ZNF518A: variants seen among roughly 807,000 people sequenced by gnomAD.
ZNF518A encodes zinc finger protein 518A, also known as zinc finger protein 518.
In ZNF518A, 47 loss-of-function variants were observed where a neutral mutation model predicts 102.7. The ratio of observed to expected loss-of-function variants is 0.46; its 90% confidence interval spans 0.36 to 0.58. The LOEUF (loss-of-function observed/expected upper bound fraction) is 0.58. Ranked by LOEUF, ZNF518A falls within the 20% of genes least tolerant of loss-of-function variation. The probability of loss-of-function intolerance (pLI) is 0.00; values close to 1 mark genes in which losing one functional copy is unlikely to be tolerated. For missense variants in ZNF518A, 1,793 were observed against 1,699.8 expected (o/e 1.05, Z -0.96); for synonymous variants, 652 against 594.6 (o/e 1.10, Z -1.40).
chr10:96,186,429 C>T (rs782110665), intron 1 of ZNF518A, among the ~76,000 whole-genome samples: 6 of 151,986 alleles, frequency 3.9e-5, no homozygotes, highest in Non-Finnish European at 7.4e-5. Context: ...GACGGAGTCT[C>T]TCTCTGTCAT....
chr10:96,139,642 C>T (rs1207130766), intron 3 of ZNF518A, among the ~76,000 whole-genome samples: 1 of 152,170 alleles, frequency 6.6e-6, no homozygotes, highest in Non-Finnish European at 1.5e-5. Flanking sequence ...CACCAAGGAG[C>T]TTTAAGCAGG....
chr10:96,197,903 G>A (rs1404047829), intron 1 of ZNF518A, among the ~76,000 whole-genome samples: 17 of 128,232 alleles, frequency 1.3e-4, no homozygotes, highest in Admixed American at 2.5e-4. Flanking sequence ...GTGACAGAGC[G>A]AGACAACATC....
chr10:96,199,552 C>T (rs1554895557), intron 1 of ZNF518A: 3 of 458,316 alleles, frequency 6.5e-6, no homozygotes, highest in Admixed American at 4.7e-5. Flanking sequence ...GATGAAAGGA[C>T]AAGTAGAAAT....
chr10:96,179,687 A>G (rs1447476062), intron 1 of ZNF518A, among the ~76,000 whole-genome samples: 2 of 152,204 alleles, frequency 1.3e-5, no homozygotes, highest in Non-Finnish European at 2.9e-5. Flanking sequence ...ATACTGACAG[A>G]CATACAGCAG....
chr10:96,200,253 C>A lies in ZNF518A; in HGVS notation n.36-3321C>A. 1.1e-6 allele frequency: 1 copy of A among 880,170 alleles called. No individual in the cohort carries two copies. Among genetic ancestry groups the A allele is most frequent in the Non-Finnish European group, 1.9e-6 (1 of 539,436 alleles). 54.5% of individuals were successfully genotyped at this position (880,170 alleles called of 1,614,324 possible). A position where few individuals can be genotyped will look rare whatever the true frequency, so the allele number is the denominator to read the frequency against. ...CAAAGACCCATTTGCATTATCAAGA[C>A]AGGCCTCTACATTTACACCAATAAT... On this transcript the variant is annotated intron_variant and non_coding_transcript_variant, in intron 1 of 2. Coordinates refer to the ZNF518A transcript ENST00000442635. The surrounding 1 kb of genome is among the most constrained non-coding windows in gnomAD (Gnocchi z 4.3).
At chr10:96,136,339 A>G (rs1422490478) in intron 3 of ZNF518A, among the ~76,000 whole-genome samples, 2 of 150,938 alleles carry the variant, frequency 1.3e-5, no homozygotes, top group Non-Finnish European at 3.0e-5. Flanking sequence ...CCGATTTATA[A>G]ATATGTATAT....
At chr10:96,173,269 G>T (rs996122392) in intron 1 of ZNF518A, among the ~76,000 whole-genome samples, 1 of 152,046 alleles carries the variant, frequency 6.6e-6, no homozygotes, top group Non-Finnish European at 1.5e-5. Context: ...ACAAACCAGG[G>T]CTTTTTACAA....
intron 1 of ZNF518A, among the ~76,000 whole-genome samples, chr10:96,194,810 G>A (rs1554894305): frequency 8.2e-6 from 1 of 122,214 alleles, no homozygotes; most frequent in African/African-American, 3.0e-5. Context: ...TCGCTCTGTC[G>A]CCCAGGCTGG....
chr10:96,194,960 G>A (rs1332566667), intron 1 of ZNF518A, among the ~76,000 whole-genome samples: 7 of 151,064 alleles, frequency 4.6e-5, no homozygotes, highest in Admixed American at 1.3e-4. Context: ...TAGTAGAGAC[G>A]GGGTTTCACC....
At chr10:96,135,012 G>A (rs892956282) in intron 3 of ZNF518A, among the ~76,000 whole-genome samples, 1 of 152,156 alleles carries the variant, frequency 6.6e-6, no homozygotes, top group East Asian at 1.9e-4. Flanking sequence ...TGGGCTGTCC[G>A]TCAGTCTTAC....
downstream of ZNF518A, among the ~76,000 whole-genome samples, chr10:96,167,369 G>A (rs1408839293): frequency 3.3e-5 from 5 of 152,124 alleles, no homozygotes; most frequent in African/African-American, 9.7e-5. Flanking sequence ...CAGGAGAATC[G>A]CTTGAACTCA....
intron 1 of ZNF518A, among the ~76,000 whole-genome samples, chr10:96,185,592 T>A (rs1295126134): frequency 6.6e-6 from 1 of 152,240 alleles, no homozygotes; most frequent in Non-Finnish European, 1.5e-5. Flanking sequence ...TGGAGTTTGC[T>A]GGAGGTCCAC....
chr10:96,165,470 C>CA (rs35332637), downstream of ZNF518A, among the ~76,000 whole-genome samples: 3,007 of 112,182 alleles, frequency 0.027, 50 homozygotes, highest in Non-Finnish European at 0.03. Flanking sequence ...CAACAACAAC[C>CA]AAAAAAAAAA....
chr10:96,195,740 A>G (rs2083449021), intron 1 of ZNF518A, among the ~76,000 whole-genome samples: 1 of 152,212 alleles, frequency 6.6e-6, no homozygotes, highest in African/African-American at 2.4e-5. Flanking sequence ...ACAACAATGT[A>G]AATATACTTA....
At chr10:96,144,392 C>A (rs782334393) in intron 3 of ZNF518A, among the ~76,000 whole-genome samples, 2 of 152,018 alleles carry the variant, frequency 1.3e-5, no homozygotes, top group Non-Finnish European at 2.9e-5. Context: ...GTGGATGTTC[C>A]GTAATTTTAT....
chr10:96,158,562 A>G lies in ZNF518A; in HGVS notation c.2240A>G (p.Lys747Arg). 1 of 1,613,176 alleles carries G rather than the reference A, an allele frequency of 6.2e-7. No individual in the cohort carries two copies. Among genetic ancestry groups the G allele is most frequent in the Non-Finnish European group, 8.5e-7 (1 of 1,179,650 alleles). The change falls in exon 6 of 6, where the codon AAA becomes AGA. Residue 747 changes from lysine to arginine, a missense_variant. Lys to Arg is a conservative substitution (Grantham distance 26). This residue lies in a region of ZNF518A where 1,741 missense variants were observed against 1,622.6 expected (regional missense o/e 1.07). Transcript: ENST00000316045. ...ENQNLECATE[K>R]SKWEDFSNVD... Reference sequence around the variant, plus strand: ...CAAAATTTAGAGTGTGCGACTGAAAAATCTAAATGGGAAGACTTTTCTAAT... The same window carrying G: ...CAAAATTTAGAGTGTGCGACTGAAAGATCTAAATGGGAAGACTTTTCTAAT...
chr10:96,190,261 A>C lies in ZNF518A; in HGVS notation n.36-13313A>C, dbSNP rs1448199502. The C allele has an allele frequency of 6.9e-6, 5 of 719,992 alleles. No homozygotes were observed. In the African/African-American group the frequency reaches 8.6e-5, roughly 12 times the overall value. The allele number at this position is 719,992 out of a possible 1,614,324, so 44.6% of individuals were successfully genotyped here. ...CTTAGGTGGGAGAGAAAGCAGACGG[A>C]GATAAACGACCACTGCTCAAGAGAA... On this transcript the variant is annotated intron_variant and non_coding_transcript_variant, in intron 1 of 2. Transcript: ENST00000442635.
At chr10:96,152,896 A>G (rs1012160811) in intron 3 of ZNF518A, among the ~76,000 whole-genome samples, 2 of 152,262 alleles carry the variant, frequency 1.3e-5, no homozygotes, top group Non-Finnish European at 2.9e-5. Flanking sequence ...GACTATATAT[A>G]GATTGATTGA....
At chr10:96,198,343 C>CA (rs1269558910) in intron 1 of ZNF518A, among the ~76,000 whole-genome samples, 1 of 152,154 alleles carries the variant, frequency 6.6e-6, no homozygotes, top group Non-Finnish European at 1.5e-5. Context: ...GGGAACAGAA[C>CA]AACCCTTTAA....
Sources: gnomAD v4.1 joint callset for allele counts (sites outside exome capture counted in the v4.1 genomes callset) on GRCh38, gnomAD v4.1.1 for gene constraint, gnomAD v4.1.1 regional missense constraint, Gnocchi (gnomAD v3.1) non-coding constraint, MANE v1.5 for transcripts, NCBI Gene and HGNC (gene_info 2026-07-23, HGNC 2026-07-21) for gene names.